Variants in SEPTIN8 observed in about 807,000 individuals in gnomAD.
SEPTIN8 encodes the protein septin-8.
Under a neutral mutation model 53.1 loss-of-function variants are expected in SEPTIN8, and 22 were observed. The observed-to-expected ratio is 0.41, with a 90% CI of 0.30 to 0.59. The LOEUF (loss-of-function observed/expected upper bound fraction) is 0.59. SEPTIN8 is among the 20% of genes least tolerant of loss of function. The probability of loss-of-function intolerance (pLI) is 0.24; values close to 1 mark genes in which losing one functional copy is unlikely to be tolerated. For missense variants in SEPTIN8, 536 were observed against 638.7 expected, an observed-to-expected ratio of 0.84 and a Z score of 1.73; for synonymous variants, 228 against 248.4, an observed-to-expected ratio of 0.92 and a Z score of 0.77.
intron 4 of SEPTIN8, among the ~76,000 whole-genome samples, chr5:132,762,885 ACCAT>A (rs1290835228): frequency 2.0e-5 from 3 of 152,062 alleles, no homozygotes; most frequent in African/African-American, 4.8e-5. Flanking sequence ...CCCCCAAATC[ACCAT>A]CCAGCCCCAA....
intron 9 of SEPTIN8, among the ~76,000 whole-genome samples, chr5:132,755,104 C>T (rs540627666): frequency 2.0e-5 from 3 of 152,288 alleles, no homozygotes; most frequent in South Asian, 4.2e-4. Flanking sequence ...GAATACTTTA[C>T]TTTGCCTCCC....
intron 9 of SEPTIN8, among the ~76,000 whole-genome samples, chr5:132,759,701 A>C (rs1482985112): frequency 1.3e-5 from 2 of 152,166 alleles, no homozygotes; most frequent in African/African-American, 4.8e-5. Context: ...AATGACGGCC[A>C]GGTTGGGTTC....
In SEPTIN8 at chr5:132,752,148, C is replaced by T. The variant is rs1183851168; in HGVS notation, c.1320G>A (p.Met440Ile). 7 of 1,595,746 alleles carry T rather than the reference C, an allele frequency of 4.4e-6. No individual in the cohort carries two copies. The highest frequency in any genetic ancestry group is 6.0e-6 in the Non-Finnish European group (7 of 1,170,256). ...TCATCACCTTAGAGCTGGAGAGGCT[C>T]ATGCCCGGCTGGTGTGCTCCTATAT... ...RSDIGAHQPG[M>I]SLSSSKVMMT... Residue 440 changes from methionine (M) to isoleucine (I), a missense_variant, in exon 10 of 10, where the codon ATG becomes ATA. Coordinates refer to ENST00000378719, the MANE Select transcript of SEPTIN8 (RefSeq NM_001098811.2).
intron 3 of SEPTIN8, 41 bp downstream of exon 3, chr5:132,764,183 G>A: frequency 6.3e-7 from 1 of 1,574,942 alleles, no homozygotes; most frequent in Non-Finnish European, 8.6e-7. Flanking sequence ...TGTAGGTGGG[G>A]TGGGAGGAGG....
chr5:132,750,890 T>C lies in SEPTIN8; in HGVS notation c.*1126A>G, dbSNP rs1754787800. 1.2e-6 allele frequency: 2 copies of C among 1,614,258 alleles called. No homozygotes were observed. Among genetic ancestry groups the C allele is most frequent in the South Asian group, 2.2e-5 (2 of 91,084 alleles). On this transcript the variant is annotated 3_prime_UTR_variant, in exon 10 of 10. Transcript: ENST00000378719. ...ACAAGTAAAAGACTTCACAAAGCAC[T>C]ATGGCTCTGACTATTCCCCGAATGA... is the stretch of plus-strand genomic sequence containing the variant.
intron 9 of SEPTIN8, chr5:132,756,189 G>A: frequency 1.0e-6 from 1 of 985,358 alleles, no homozygotes; most frequent in Non-Finnish European, 1.2e-6. Flanking sequence ...ACTTAACAGG[G>A]AGCCCACATT....
rs1447980868 is a variant in SEPTIN8 at position 132,761,283 on chromosome 5, A to C, written c.963-18T>G. 1 of 1,612,438 alleles carries C rather than the reference A, an allele frequency of 6.2e-7. No homozygotes were observed. Among genetic ancestry groups the C allele is most frequent in the Non-Finnish European group, 8.5e-7 (1 of 1,179,972 alleles). On this transcript the variant is annotated intron_variant, in intron 7 of 9. Coordinates refer to ENST00000378719, the MANE Select transcript of SEPTIN8 (RefSeq NM_001098811.2). The surrounding 1 kb of genome is among the most constrained non-coding windows in gnomAD (Gnocchi z 5.8). ...CTTGTAGGCTGTGGAGACCCAGAGA[A>C]AAGAGGCCAAGGATGGGATTATGAC...
At chr5:132,753,206 T>C in intron 9 of SEPTIN8, 2 of 483,938 alleles carry the variant, frequency 4.1e-6, no homozygotes, top group Non-Finnish European at 3.7e-6. Context: ...CTGTCTTCCC[T>C]TTTTCTCCTC....
chr5:132,777,911 G>T, upstream of SEPTIN8: 1 of 985,502 alleles, frequency 1.0e-6, no homozygotes, highest in African/African-American at 1.7e-5. This position sits in a 1 kb window ranked among gnomAD's most constrained non-coding sequence, Gnocchi z 4.1. Context: ...TAGAAAAGCG[G>T]AGCTCGACGG....
At position 132,763,865 on chromosome 5, in the gene SEPTIN8, A is replaced by G. The variant is rs917965076; in HGVS notation, c.375T>C (p.Asp125=). The change falls in exon 4 of 10, where the codon GAT becomes GAC. Residue 125 remains aspartate (D), a synonymous_variant. Coordinates refer to ENST00000378719, the MANE Select transcript of SEPTIN8 (RefSeq NM_001098811.2). ...ESYRPIVDYI[D]AQFENYLQEE... ...CCTGCAGATAATTTTCAAACTGCGC[A>G]TCGATGTAGTCAACTATGGGCCTGT... 4 of 1,593,274 alleles carry G rather than the reference A, an allele frequency of 2.5e-6. No homozygotes were observed. Among genetic ancestry groups the G allele is most frequent in the Non-Finnish European group, 2.6e-6 (3 of 1,169,174 alleles).
intron 1 of SEPTIN8, among the ~76,000 whole-genome samples, chr5:132,770,107 ATG>A (rs1227559427): frequency 0.17 from 4,756 of 28,570 alleles, 189 homozygotes; most frequent in Non-Finnish European, 0.2. Context: ...ATATGTATAT[ATG>A]TATATATATA....
Position 132,777,180 on chromosome 5 carries a change from G to A in SEPTIN8, c.-43C>T, listed in dbSNP as rs1368214561. On this transcript the variant is annotated 5_prime_UTR_variant, in exon 1 of 10. Transcript: ENST00000378719. The surrounding 1 kb of genome is among the most constrained non-coding windows in gnomAD (Gnocchi z 4.1). ...GCGGGTGGGCTGGGACGAGCGCAGG[G>A]GCAGCGACAGGGACCAGCCGGCTGC... is the stretch of plus-strand genomic sequence containing the variant. 1.7e-6 allele frequency: 2 copies of A among 1,165,096 alleles called. No individual in the cohort carries two copies. The highest frequency in any genetic ancestry group is 2.1e-6 in the Non-Finnish European group (2 of 944,322). The allele number at this position is 1,165,096 out of a possible 1,614,324, so 72.2% of individuals were successfully genotyped here. A position where few individuals can be genotyped will look rare whatever the true frequency, so the allele number is the denominator to read the frequency against.
At chr5:132,752,320 A>C in intron 9 of SEPTIN8, 139 bp from the exon 10 acceptor site, 1 of 1,166,546 alleles carries the variant, frequency 8.6e-7, no homozygotes, top group Non-Finnish European at 1.2e-6. Flanking sequence ...ATAACCCTGG[A>C]AAGAGTCTGC....
In SEPTIN8 at chr5:132,764,364, G is replaced by T. The variant is rs371408126; in HGVS notation, c.207C>A (p.Phe69Leu). The T allele has an allele frequency of 1.9e-6, 3 of 1,614,060 alleles. No homozygotes were observed. The East Asian group carries it at 6.7e-5, about 36-fold the overall frequency. ...CATGGTGACTGGCTTCCTCAGTCTC[G>T]AAGGTCGTGTTGAAGAGTGTGTTCA... ...TLMNTLFNTTFETEEASHHEA... is the reference protein window; with the variant it reads ...TLMNTLFNTTLETEEASHHEA... The change falls in exon 3 of 10, where the codon TTC becomes TTA. Residue 69 changes from phenylalanine (F) to leucine (L), a missense_variant. By Grantham distance (22) the Phe-to-Leu change is conservative. Around this residue, in one of 3 missense-constraint regions of SEPTIN8, gnomAD observed 395 missense variants for 451.8 expected, o/e 0.87. Transcript: ENST00000378719.
intron 1 of SEPTIN8, among the ~76,000 whole-genome samples, chr5:132,766,251 C>A (rs1489054432): frequency 6.6e-6 from 1 of 152,212 alleles, no homozygotes; most frequent in African/African-American, 2.4e-5. Context: ...TCTCTAGAGA[C>A]CCCCAGCTCC....
upstream of SEPTIN8, chr5:132,777,690 G>A: frequency 1.2e-5 from 12 of 985,600 alleles, no homozygotes; most frequent in Non-Finnish European, 1.4e-5. This position sits in a 1 kb window ranked among gnomAD's most constrained non-coding sequence, Gnocchi z 4.1. Context: ...GTGTGGACAA[G>A]CTGCGGGAGA....
In SEPTIN8 at chr5:132,761,085, C is replaced by A; in HGVS notation, c.1095+48G>T. The A allele has an allele frequency of 7.0e-7, 1 of 1,426,174 alleles. No homozygotes were observed. 88.3% of individuals were successfully genotyped at this position (1,426,174 alleles called of 1,614,324 possible). On this transcript the variant is annotated intron_variant, in intron 8 of 9. Coordinates refer to ENST00000378719, the MANE Select transcript of SEPTIN8 (RefSeq NM_001098811.2). This position sits in a 1 kb window ranked among gnomAD's most constrained non-coding sequence, Gnocchi z 5.8. ...ACCCCCACCTCTACCCTCAGCCAGG[C>A]CTTCCCTCCCTCAGCTTCCCCATCC...
intron 9 of SEPTIN8, 85 bp from the exon 10 acceptor site, chr5:132,752,266 AG>A (rs34204192): frequency 2.0e-6 from 3 of 1,471,576 alleles, no homozygotes; most frequent in African/African-American, 2.8e-5. Flanking sequence ...CTGACCCCAA[AG>A]GGGTACCCTT....
Position 132,758,725 on chromosome 5 carries a change from C to A in SEPTIN8, c.1286+2077G>T. On this transcript the variant is annotated intron_variant, in intron 9 of 9. Transcript: ENST00000378719. ...TGTACCGGCTCCCAGTCCGTCCTCA[C>A]ACCATGTTATGGGAGAAGGGTCACA... 5.0e-6 allele frequency: 8 copies of A among 1,612,008 alleles called. No individual in the cohort carries two copies. In the South Asian group the frequency reaches 7.7e-5, roughly 16 times the overall value.
Sources: allele counts gnomAD v4.1 joint callset (sites outside exome capture counted in the v4.1 genomes callset), GRCh38; gene constraint gnomAD v4.1.1; regional missense constraint gnomAD v4.1.1; non-coding constraint Gnocchi (gnomAD v3.1); transcripts MANE v1.5; gene names NCBI Gene and HGNC (gene_info 2026-07-23, HGNC 2026-07-21).